PI4KA: variants seen among roughly 807,000 people sequenced by gnomAD.
PI4KA encodes PI4-kinase alpha.
In PI4KA, 122 loss-of-function variants were observed where a neutral mutation model predicts 271.4. The ratio of observed to expected loss-of-function variants is 0.45; its 90% confidence interval spans 0.39 to 0.52. The LOEUF (loss-of-function observed/expected upper bound fraction) is 0.52, where lower values mean the gene tolerates loss of function less well. PI4KA is among the 20% of genes least tolerant of loss of function. The pLI, the probability that PI4KA is intolerant of heterozygous loss-of-function variation, is 0.00. For synonymous variants in PI4KA, 1,041 were observed against 1,078.8 expected, an observed-to-expected ratio of 0.96 and a Z score of 0.69; for missense variants, 1,969 against 2,769.1, an observed-to-expected ratio of 0.71 and a Z score of 6.48.
At chr22:20,806,846 TC>T (rs1488649552) in intron 10 of PI4KA, among the ~76,000 whole-genome samples, 3 of 151,948 alleles carry the variant, frequency 2.0e-5, no homozygotes, top group Non-Finnish European at 4.4e-5. Context: ...TTCTCCTGCC[TC>T]AGCCTCCTGT....
intron 39 of PI4KA, among the ~76,000 whole-genome samples, chr22:20,728,994 T>G (rs1377350180): frequency 6.6e-6 from 1 of 152,226 alleles, no homozygotes; most frequent in African/African-American, 2.4e-5. Context: ...GGCAGCCACC[T>G]GCCAGGAGTG....
intron 3 of PI4KA, among the ~76,000 whole-genome samples, chr22:20,831,816 GTAGTATTTCA>G (rs1026569173): frequency 9.2e-5 from 14 of 152,040 alleles, no homozygotes; most frequent in African/African-American, 3.1e-4. Context: ...GTCTTCTTGT[GTAGTATTTCA>G]TAGGGGTTCT....
intron 3 of PI4KA, among the ~76,000 whole-genome samples, chr22:20,830,413 T>C (rs1924000815): frequency 6.6e-6 from 1 of 152,236 alleles, no homozygotes; most frequent in African/African-American, 2.4e-5. Flanking sequence ...TCTTTGTCTT[T>C]TGTGATCTTC....
At chr22:20,838,797 G>A in intron 1 of PI4KA, 66 bp from the exon 2 acceptor site, 2 of 922,010 alleles carry the variant, frequency 2.2e-6, no homozygotes, top group Non-Finnish European at 3.6e-6. Flanking sequence ...AATAAAGCAA[G>A]CTGAGTGCAG....
chr22:20,777,461 G>A (rs1219716400), intron 19 of PI4KA, among the ~76,000 whole-genome samples: 3 of 151,908 alleles, frequency 2.0e-5, no homozygotes, highest in Admixed American at 6.6e-5. Context: ...CAGATGATCC[G>A]CCCACCTCGG....
intron 27 of PI4KA, among the ~76,000 whole-genome samples, chr22:20,750,873 T>C (rs201706948): frequency 3.3e-5 from 5 of 152,156 alleles, no homozygotes; most frequent in African/African-American, 4.8e-5. Context: ...AGTTTCCCCA[T>C]TGGATAGCAC....
intron 25 of PI4KA, 124 bp downstream of exon 25, chr22:20,752,779 A>T: frequency 2.0e-6 from 2 of 987,872 alleles, no homozygotes; most frequent in South Asian, 1.5e-5. Flanking sequence ...CATCACCCTT[A>T]GGAGTTTTCA....
At chr22:20,851,617 C>T (rs1430368716) in intron 1 of PI4KA, among the ~76,000 whole-genome samples, 3 of 152,096 alleles carry the variant, frequency 2.0e-5, no homozygotes, top group East Asian at 1.9e-4. Flanking sequence ...GGATTACAGG[C>T]GTGAGCCACT....
At chr22:20,777,001 T>C (rs1933344692) in intron 19 of PI4KA, among the ~76,000 whole-genome samples, 1 of 151,934 alleles carries the variant, frequency 6.6e-6, no homozygotes, top group Non-Finnish European at 1.5e-5. Flanking sequence ...TAGGAAATGG[T>C]CACAGACACA....
At chr22:20,776,696 C>A (rs1416562527) in intron 19 of PI4KA, among the ~76,000 whole-genome samples, 2 of 152,084 alleles carry the variant, frequency 1.3e-5, no homozygotes, top group African/African-American at 4.8e-5. Context: ...CAACTTGGTT[C>A]GAATCTAGCC....
chr22:20,757,967 G>C (rs1042424300), intron 23 of PI4KA, among the ~76,000 whole-genome samples: 1 of 152,082 alleles, frequency 6.6e-6, no homozygotes, highest in Non-Finnish European at 1.5e-5. Context: ...CCAAAGAATC[G>C]CAGGGTGGGC....
chr22:20,780,314 G>A lies in PI4KA; in HGVS notation c.2328+12879C>T. 5 of 1,515,150 alleles carry A rather than the reference G, an allele frequency of 3.3e-6. No homozygotes were observed. In the South Asian group the frequency reaches 3.4e-5, roughly 10 times the overall value. 93.9% of individuals were successfully genotyped at this position (1,515,150 alleles called of 1,614,324 possible). ...AGCTATAATTTATCCAGGAAAACTA[G>A]ACACAAGATTGACTCTGGAACGGGG... On this transcript the variant is annotated intron_variant, in intron 19 of 54. Coordinates refer to ENST00000255882, the MANE Select transcript of PI4KA (RefSeq NM_058004.4).
rs1922150269 is a variant in PI4KA at position 20,818,538 on chromosome 22, T to C, written c.801A>G (p.Glu267=). 1.3e-6 allele frequency: 2 copies of C among 1,550,220 alleles called. No homozygotes were observed. Among genetic ancestry groups the C allele is most frequent in the Non-Finnish European group, 1.7e-6 (2 of 1,156,326 alleles). ...SVSSISQVSP[E]RGMPPPSSPG... ...GGGAACTGGGAGGGGGCATGCCGCGTTCAGGGCTGACCTGAAACACACAAC... is the reference window on the plus strand; with the variant it reads ...GGGAACTGGGAGGGGGCATGCCGCGCTCAGGGCTGACCTGAAACACACAAC... The change falls in exon 7 of 55, where the codon GAA becomes GAG. Residue 267 remains glutamate (E), a synonymous_variant. Coordinates refer to ENST00000255882, the MANE Select transcript of PI4KA (RefSeq NM_058004.4).
At position 20,793,086 on chromosome 22, in the gene PI4KA, G is replaced by T. The variant is rs1467175545; in HGVS notation, c.2328+107C>A. 6.7e-6 allele frequency: 5 copies of T among 744,510 alleles called. No homozygotes were observed. The East Asian group carries it at 1.0e-4, about 15-fold the overall frequency. The allele number at this position is 744,510 out of a possible 1,614,324, so 46.1% of individuals were successfully genotyped here. ...AGCAGTCACATCTAGAGGCATAGGG[G>T]CCTCAACACTGCACCTTTCTAAGGA... On this transcript the variant is annotated intron_variant, in intron 19 of 54. Coordinates refer to ENST00000255882, the MANE Select transcript of PI4KA (RefSeq NM_058004.4).
At chr22:20,836,107 C>A (rs1006383623) in intron 2 of PI4KA, among the ~76,000 whole-genome samples, 9 of 142,474 alleles carry the variant, frequency 6.3e-5, no homozygotes, top group African/African-American at 2.4e-4. Flanking sequence ...AAAAACATGG[C>A]AGAAGGCATG....
intron 23 of PI4KA, among the ~76,000 whole-genome samples, chr22:20,760,846 T>C (rs1931887836): frequency 1.3e-5 from 2 of 152,222 alleles, no homozygotes; most frequent in African/African-American, 2.4e-5. Context: ...AAGTTGCATC[T>C]GGAAGCAAGT....
chr22:20,847,266 G>A (rs755564561), intron 1 of PI4KA, among the ~76,000 whole-genome samples: 1 of 151,844 alleles, frequency 6.6e-6, no homozygotes, highest in Non-Finnish European at 1.5e-5. Flanking sequence ...TCCTGCACAT[G>A]AACCTAAAAT....
At chr22:20,742,187 C>T (rs1929535761) in intron 32 of PI4KA, 41 bp downstream of exon 32, 3 of 1,601,872 alleles carry the variant, frequency 1.9e-6, no homozygotes, top group African/African-American at 1.3e-5. Flanking sequence ...CGTCTGTTAT[C>T]CCATCCCATC....
At chr22:20,794,378 T>C (rs1334520535) in intron 18 of PI4KA, among the ~76,000 whole-genome samples, 2 of 152,162 alleles carry the variant, frequency 1.3e-5, no homozygotes, top group Non-Finnish European at 2.9e-5. Flanking sequence ...CCACCTTGTA[T>C]CATCAGTACC....
Sources: gnomAD v4.1 joint callset for allele counts (sites outside exome capture counted in the v4.1 genomes callset) on GRCh38, gnomAD v4.1.1 for gene constraint, MANE v1.5 for transcripts, NCBI Gene and HGNC (gene_info 2026-07-23, HGNC 2026-07-21) for gene names.